The following ADAMTS1 variants were observed in gnomAD, a reference collection of about 807,000 sequenced individuals.
ADAMTS1 encodes ADAM metallopeptidase with thrombospondin type 1 motif 1.
In ADAMTS1, 19 loss-of-function variants were observed where a neutral mutation model predicts 87.9. The ratio of observed to expected loss-of-function variants is 0.22; its 90% CI spans 0.15 to 0.32. The LOEUF (loss-of-function observed/expected upper bound fraction) is 0.32, where lower values mean the gene tolerates loss of function less well. Among genes scored for constraint, ADAMTS1 ranks in the 10% least tolerant of loss-of-function variants. ADAMTS1 has a pLI of 1.00. For missense variants in ADAMTS1, 1,240 were observed against 1,259.1 expected, an observed-to-expected ratio of 0.98 and a Z score of 0.23; for synonymous variants, 542 against 501.8, an observed-to-expected ratio of 1.08 and a Z score of -1.07.
intron 3 of ADAMTS1, 179 bp downstream of exon 3, chr21:26,841,679 C>T (rs1985497259): frequency 1.5e-6 from 1 of 671,058 alleles, no homozygotes; most frequent in Middle Eastern, 4.2e-4. Flanking sequence ...CTACTACTAT[C>T]TTATTTTTTA....
chr21:26,841,100 C>T lies in ADAMTS1; in HGVS notation c.1276G>A (p.Asp426Asn). ...AGCATTGACGCCATCATGTGGGAAT[C>T]CTGGTTCACACCATTAAGGCTGGCA... ...QCASLNGVNQDSHMMASMLSN... is the reference protein window; with the variant it reads ...QCASLNGVNQNSHMMASMLSN... Residue 426 changes from aspartate (D) to asparagine (N), a missense_variant, in exon 4 of 9, where the codon GAT (aspartate) becomes AAT (asparagine). This residue lies in a region of ADAMTS1 where 317 missense variants were observed against 410.3 expected (regional missense o/e 0.77). Coordinates refer to ENST00000284984, the MANE Select transcript of ADAMTS1 (RefSeq NM_006988.5). 2 of 1,614,206 alleles carry T rather than the reference C, an allele frequency of 1.2e-6. No homozygotes were observed. Among genetic ancestry groups the T allele is most frequent in the Non-Finnish European group, 1.7e-6 (2 of 1,180,048 alleles).
chr21:26,842,772 C>T, intron 1 of ADAMTS1, 87 bp from the exon 2 acceptor site: 1 of 989,450 alleles, frequency 1.0e-6, no homozygotes, highest in Non-Finnish European at 1.5e-6. Flanking sequence ...CCTAACCAGT[C>T]AAAGCAAACA....
chr21:26,841,307 C>T (rs551378335), intron 3 of ADAMTS1, 142 bp from the exon 4 acceptor site: 59 of 784,530 alleles, frequency 7.5e-5, no homozygotes, highest in African/African-American at 4.9e-4. Context: ...AGTGAAACCC[C>T]GTCTCTACTA....
At position 26,837,544 on chromosome 21, in the gene ADAMTS1, T is replaced by G; in HGVS notation, c.*35A>C. The G allele has an allele frequency of 6.3e-7, 1 of 1,592,098 alleles. No individual in the cohort carries two copies. Among genetic ancestry groups the G allele is most frequent in the Non-Finnish European group, 8.6e-7 (1 of 1,163,554 alleles). ...TCCCTGCACCAGCCCTTCCTCACTT[T>G]GCCTTGCCCTCAAAGCTAACACCAC... On this transcript the variant is annotated 3_prime_UTR_variant, in exon 9 of 9. Transcript: ENST00000284984.
chr21:26,841,244 C>T (rs565494018), intron 3 of ADAMTS1, 79 bp from the exon 4 acceptor site: 45 of 1,493,180 alleles, frequency 3.0e-5, no homozygotes, highest in African/African-American at 2.1e-4. Context: ...TTCCAGAAGC[C>T]GAGGCGGGTG....
intron 3 of ADAMTS1, 127 bp from the exon 4 acceptor site, chr21:26,841,292 A>G: frequency 3.4e-6 from 3 of 892,410 alleles, no homozygotes; most frequent in Non-Finnish European, 5.1e-6. Context: ...CAGCATGGCC[A>G]ACATAGTGAA....
chr21:26,842,404 G>T lies in ADAMTS1; in HGVS notation c.1012C>A (p.Gln338Lys). Residue 338 changes from glutamine to lysine, a missense_variant, in exon 2 of 9, where the codon CAG (glutamine) becomes AAG (lysine). Gln to Lys is a moderately conservative substitution (Grantham distance 53). Transcript: ENST00000284984. ...TLRNFCNWQK[Q>K]HNPPSDRDAE... ...TCCCGGTCACTGGGTGGGTTGTGCT[G>T]CTTCTGCCAGTTGCAAAAGTTCCGC... 6.2e-7 allele frequency: 1 copy of T among 1,614,180 alleles called. No individual in the cohort carries two copies. Among genetic ancestry groups the T allele is most frequent in the Non-Finnish European group, 8.5e-7 (1 of 1,180,026 alleles).
Position 26,838,225 on chromosome 21 carries a change from A to T in ADAMTS1, c.2258T>A (p.Val753Glu). ...GGATCCCCTCTGGTTCCGCTGTTTC[A>T]CTTCGATGTTGGTGGCTCCAGTTGG... ...TIPTGATNIE[V>E]KQRNQRGSRN... The change falls in exon 9 of 9, where the codon GTG becomes GAG. Residue 753 changes from valine (V) to glutamate (E), a missense_variant. This residue lies in a region of ADAMTS1 where 402 missense variants were observed against 399.1 expected (regional missense o/e 1.01). Coordinates refer to ENST00000284984, the MANE Select transcript of ADAMTS1 (RefSeq NM_006988.5). 6.2e-7 allele frequency: 1 copy of T among 1,613,732 alleles called. No individual in the cohort carries two copies. The highest frequency in any genetic ancestry group is 8.5e-7 in the Non-Finnish European group (1 of 1,179,778).
intron 7 of ADAMTS1, 152 bp downstream of exon 7, chr21:26,839,435 C>T: frequency 1.5e-6 from 1 of 674,470 alleles, no homozygotes; most frequent in Non-Finnish European, 2.4e-6. Flanking sequence ...TCAAAGCAGG[C>T]AGTTGCCAAT....
In ADAMTS1 at chr21:26,842,524, T is replaced by A; in HGVS notation, c.892A>T (p.Ile298Phe). ...VAARLYKHPS[I>F]RNSVSLVVVK... ...ACCACCAGGCTAACTGAATTACGAA[T>A]GCTGGGGTGTTTGTACAATCTGGCT... is the stretch of plus-strand genomic sequence containing the variant. The change falls in exon 2 of 9, where the codon ATT becomes TTT. Residue 298 changes from isoleucine to phenylalanine, a missense_variant. By Grantham distance (21) the Ile-to-Phe change is conservative. Transcript: ENST00000284984. 2 of 1,614,138 alleles carry A rather than the reference T, an allele frequency of 1.2e-6. No homozygotes were observed. Among genetic ancestry groups the A allele is most frequent in the Non-Finnish European group, 1.7e-6 (2 of 1,180,028 alleles).
chr21:26,840,908 A>C, intron 4 of ADAMTS1, 90 bp downstream of exon 4: 2 of 1,434,660 alleles, frequency 1.4e-6, no homozygotes, highest in Non-Finnish European at 1.9e-6. Flanking sequence ...TGGGGAAAAT[A>C]AAAAGAACAA....
intron 3 of ADAMTS1, chr21:26,841,644 C>A: frequency 4.0e-6 from 2 of 502,462 alleles, no homozygotes; most frequent in Non-Finnish European, 6.7e-6. Context: ...TGTAAACAAA[C>A]ATACACATTT....
chr21:26,844,865 A>AAAG lies in ADAMTS1; in HGVS notation c.87_89dup (p.Phe30dup). 6.4e-7 allele frequency: 1 copy of AAAG among 1,554,666 alleles called. No individual in the cohort carries two copies. Among genetic ancestry groups the AAAG allele is most frequent in the Non-Finnish European group, 8.7e-7 (1 of 1,151,096 alleles). On this transcript the variant is annotated inframe_insertion, in exon 1 of 9. Transcript: ENST00000284984. ...GCAGCAGCAGCGTGGGTACTGGCCC[A>AAAG]AAGCTCCGAGACCCCGGAGCCCGCT... is the stretch of plus-strand genomic sequence containing the variant.
Position 26,845,202 on chromosome 21 carries a change from C to T in ADAMTS1, c.-248G>A. ...AAAGTTGGAGACACTGAGAGGCAGG[C>T]GCAGGCAGAGTGGCTCTGCTGGGAC... On this transcript the variant is annotated 5_prime_UTR_variant, in exon 1 of 9. Coordinates refer to ENST00000284984, the MANE Select transcript of ADAMTS1 (RefSeq NM_006988.5). The T allele has an allele frequency of 2.3e-6, 1 of 431,414 alleles. No homozygotes were observed. The highest frequency in any genetic ancestry group is 2.0e-5 in the African/African-American group (1 of 49,052). 26.7% of individuals were successfully genotyped at this position (431,414 alleles called of 1,614,324 possible).
In ADAMTS1 at chr21:26,837,579, T is replaced by C; in HGVS notation, c.2904A>G (p.Ter968=). 3 of 1,613,662 alleles carry C rather than the reference T, an allele frequency of 1.9e-6. No homozygotes were observed. The highest frequency in any genetic ancestry group is 1.7e-6 in the Non-Finnish European group (2 of 1,179,756). The change falls in exon 9 of 9, where the codon TAA becomes TAG. Residue 968 remains the stop codon, a stop_retained_variant. Coordinates refer to ENST00000284984, the MANE Select transcript of ADAMTS1 (RefSeq NM_006988.5). ...TCAAAGCTAACACCACTTAAACCAC[T>C]TAACTGCATTCTGCCATTGTGCAAA... is the stretch of plus-strand genomic sequence containing the variant. The part of the protein sequence containing the change: ...IDFCTMAECS[*]
At position 26,838,171 on chromosome 21, in the gene ADAMTS1, T is replaced by C. The variant is rs764591176; in HGVS notation, c.2312A>G (p.Lys771Arg). The C allele has an allele frequency of 9.7e-5, 157 of 1,613,912 alleles. No individual in the cohort carries two copies. Among genetic ancestry groups the C allele is most frequent in the Non-Finnish European group, 1.2e-4 (140 of 1,179,928 alleles). ...SRNNGSFLAI[K>R]AADGTYILNG... ...AAGAATATATGTGCCATCAGCAGCT[T>C]TGATGGCAAGAAAGCTGCCATTGTT... Residue 771 changes from lysine to arginine, a missense_variant, in exon 9 of 9, where the codon AAA becomes AGA. Lys to Arg is a conservative substitution (Grantham distance 26). Transcript: ENST00000284984.
Position 26,837,667 on chromosome 21 carries a change from T to C in ADAMTS1, c.2816A>G (p.Asp939Gly), listed in dbSNP as rs55641247. ...KKRSLKCLSH[D>G]GGVLSHESCD... ...GCTCTCATGAGATAACACCCCTCCA[T>C]CATGGGACAGACACTTCAAGCTTCT... The change falls in exon 9 of 9, where the codon GAT (aspartate) becomes GGT (glycine). Residue 939 changes from aspartate (D) to glycine (G), a missense_variant. Physicochemically the swap from Asp to Gly is moderately conservative, Grantham distance 94 (BLOSUM62 -1). Around this residue, in one of 3 missense-constraint regions of ADAMTS1, gnomAD observed 402 missense variants for 399.1 expected, o/e 1.01. Transcript: ENST00000284984. 6.1e-5 allele frequency: 98 copies of C among 1,614,212 alleles called. No homozygotes were observed. The East Asian group carries it at 2.1e-3, about 35-fold the overall frequency.
At position 26,840,030 on chromosome 21, in the gene ADAMTS1, C is replaced by T; in HGVS notation, c.1697G>A (p.Gly566Glu). 1 of 1,613,708 alleles carries T rather than the reference C, an allele frequency of 6.2e-7. No individual in the cohort carries two copies. Among genetic ancestry groups the T allele is most frequent in the Non-Finnish European group, 8.5e-7 (1 of 1,179,944 alleles). Residue 566 changes from glycine to glutamate, a missense_variant, in exon 6 of 9, where the codon GGG becomes GAG. Gly to Glu is a moderately conservative substitution (Grantham distance 98). Transcript: ENST00000284984. Reference protein sequence around the residue: ...TPFHGSWGMWGPWGDCSRTCG... With the variant: ...TPFHGSWGMWEPWGDCSRTCG... The stretch of plus-strand genomic sequence containing the variant: ...CGTTCTCGAACAGTCTCCCCAAGGC[C>T]CCCACATTCCCCAGCTTCCATGAAA...
Position 26,836,853 on chromosome 21 carries a change from T to C in ADAMTS1, c.*726A>G, listed in dbSNP as rs998347117. ...TCCTCTAGCTTTTACCAGCATCTAA[T>C]GCTTCACTGCTTTTTTTCCATTGTA... is the stretch of plus-strand genomic sequence containing the variant. On this transcript the variant is annotated 3_prime_UTR_variant, in exon 9 of 9. Transcript: ENST00000284984. The C allele has an allele frequency of 2.0e-5, 3 of 152,256 alleles. No homozygotes were observed. The highest frequency in any genetic ancestry group is 7.2e-5 in the African/African-American group (3 of 41,454). The allele number at this position is 152,256 out of a possible 1,614,324, so 9.4% of individuals were successfully genotyped here.
Sources: gnomAD v4.1 joint callset for allele counts on GRCh38, gnomAD v4.1.1 for gene constraint, gnomAD v4.1.1 regional missense constraint, MANE v1.5 for transcripts, NCBI Gene and HGNC (gene_info 2026-07-23, HGNC 2026-07-21) for gene names.